The following WSCD2 variants were observed in gnomAD, a reference collection of about 807,000 sequenced individuals.
WSCD2 encodes the protein sialate:O-sulfotransferase 2.
In WSCD2, 28 loss-of-function variants were observed where a neutral mutation model predicts 55.7. The ratio of observed to expected loss-of-function variants is 0.50; its 90% CI spans 0.37 to 0.69. WSCD2 has a LOEUF of 0.69. WSCD2 is among the 30% of genes least tolerant of loss of function. The pLI, the probability that WSCD2 is intolerant of heterozygous loss-of-function variation, is 0.00. For missense variants in WSCD2, 616 were observed against 762.1 expected, an observed-to-expected ratio of 0.81 and a Z score of 2.26; for synonymous variants, 301 against 301.9, an observed-to-expected ratio of 1.00 and a Z score of 0.03.
At position 108,210,129 on chromosome 12, in the gene WSCD2, T is replaced by G; in HGVS notation, c.506T>G (p.Leu169Arg). ...ACAGCAGCCTCCCCCAGGGGTTACC[T>G]GTATGGCGGGCTGGAGTTCGGCGCC... ...CQDNCAERGY[L>R]YGGLEFGAEC... The change falls in exon 4 of 9, where the codon CTG (leucine) becomes CGG (arginine). Residue 169 changes from leucine (L) to arginine (R), a missense_variant. Around this residue, in one of 3 missense-constraint regions of WSCD2, gnomAD observed 374 missense variants for 467.4 expected, o/e 0.80. Transcript: ENST00000547525. The surrounding 1 kb of genome is among the most constrained non-coding windows in gnomAD (Gnocchi z 4.3). The G allele has an allele frequency of 6.2e-7, 1 of 1,614,078 alleles. No homozygotes were observed. Among genetic ancestry groups the G allele is most frequent in the South Asian group, 1.1e-5 (1 of 91,070 alleles).
chr12:108,134,188 G>T (rs990988790), intron 1 of WSCD2, among the ~76,000 whole-genome samples: 1 of 152,150 alleles, frequency 6.6e-6, no homozygotes, highest in East Asian at 1.9e-4. Flanking sequence ...TTCAAGGTCC[G>T]CCAGTGCCTG....
chr12:108,195,654 C>T lies in WSCD2; in HGVS notation c.-179C>T. 1.2e-6 allele frequency: 1 copy of T among 851,180 alleles called. No homozygotes were observed. Among genetic ancestry groups the T allele is most frequent in the South Asian group, 1.9e-5 (1 of 51,596 alleles). 52.7% of individuals were successfully genotyped at this position (851,180 alleles called of 1,614,324 possible). A position where few individuals can be genotyped will look rare whatever the true frequency, so the allele number is the denominator to read the frequency against. On this transcript the variant is annotated 5_prime_UTR_variant, in exon 2 of 9. Coordinates refer to ENST00000547525, the MANE Select transcript of WSCD2 (RefSeq NM_014653.4). ...TAAGCTCCATCCTTTCTCATGGCCT[C>T]AGCCAAGCATTGAACTTGCCCTCCC...
intron 2 of WSCD2, among the ~76,000 whole-genome samples, chr12:108,199,793 C>T (rs561936407): frequency 1.5e-3 from 221 of 152,268 alleles, no homozygotes; most frequent in African/African-American, 5.2e-3. Context: ...AGATTACCCA[C>T]CTGGGGGAGG....
intron 1 of WSCD2, among the ~76,000 whole-genome samples, chr12:108,194,479 G>C (rs973593743): frequency 5.3e-5 from 8 of 152,332 alleles, no homozygotes; most frequent in Non-Finnish European, 1.0e-4. Flanking sequence ...CCTGGGTCCA[G>C]ATCCCAGCTC....
At chr12:108,134,238 T>A (rs2136856028) in intron 1 of WSCD2, among the ~76,000 whole-genome samples, 1 of 152,194 alleles carries the variant, frequency 6.6e-6, no homozygotes, top group South Asian at 2.1e-4. Context: ...ATTTCCTCCC[T>A]CCTCCCTGTA....
intron 4 of WSCD2, among the ~76,000 whole-genome samples, chr12:108,214,955 T>C (rs2137121696): frequency 6.6e-6 from 1 of 152,382 alleles, no homozygotes; most frequent in African/African-American, 2.4e-5. Flanking sequence ...TCACTGATAC[T>C]CCATTCCAAC....
At chr12:108,221,177 GCTGA>G (rs1258355326) in intron 4 of WSCD2, among the ~76,000 whole-genome samples, 3 of 152,114 alleles carry the variant, frequency 2.0e-5, no homozygotes, top group Non-Finnish European at 4.4e-5. Context: ...TTAGCATCCG[GCTGA>G]CTGAGTTTTC....
At position 108,195,349 on chromosome 12, in the gene WSCD2, A is replaced by C. The variant is rs1296825130; in HGVS notation, c.-484A>C. On this transcript the variant is annotated 5_prime_UTR_variant, in exon 2 of 9. Coordinates refer to ENST00000547525, the MANE Select transcript of WSCD2 (RefSeq NM_014653.4). ...CCAGCTTCTGTTCCCATGAGGTAGA[A>C]AGGCCAAGCTTGGTCTTCAGCTGGG... is the stretch of plus-strand genomic sequence containing the variant. 1 of 154,160 alleles carries C rather than the reference A, an allele frequency of 6.5e-6. No homozygotes were observed. The highest frequency in any genetic ancestry group is 1.4e-5 in the Non-Finnish European group (1 of 69,582). The allele number at this position is 154,160 out of a possible 1,614,324, so 9.5% of individuals were successfully genotyped here.
intron 3 of WSCD2, among the ~76,000 whole-genome samples, chr12:108,208,388 G>A (rs1450355993): frequency 6.6e-6 from 1 of 152,214 alleles, no homozygotes; most frequent in Non-Finnish European, 1.5e-5. Flanking sequence ...AGGGTACAGA[G>A]ACATCAAGTA....
At chr12:108,203,303 C>T (rs1884943861) in intron 2 of WSCD2, among the ~76,000 whole-genome samples, 2 of 152,194 alleles carry the variant, frequency 1.3e-5, no homozygotes, top group Non-Finnish European at 2.9e-5. Flanking sequence ...CTTCCTGTCA[C>T]TCTCATCTCT....
At chr12:108,207,631 C>T (rs1236940958) in intron 3 of WSCD2, among the ~76,000 whole-genome samples, 1 of 149,722 alleles carries the variant, frequency 6.7e-6, no homozygotes, top group Non-Finnish European at 1.5e-5. Context: ...TCGTGATCTG[C>T]CCACCTCGGC....
At chr12:108,153,100 C>CACAAACAA (rs1565920079) in intron 1 of WSCD2, among the ~76,000 whole-genome samples, 3 of 61,458 alleles carry the variant, frequency 4.9e-5, no homozygotes, top group Non-Finnish European at 8.6e-5. Context: ...GAGACTCTGT[C>CACAAACAA]TCAAACAAAC....
intron 1 of WSCD2, among the ~76,000 whole-genome samples, chr12:108,142,063 A>G (rs1876878474): frequency 6.6e-6 from 1 of 152,214 alleles, no homozygotes; most frequent in Non-Finnish European, 1.5e-5. Context: ...AATCTGCTTT[A>G]AGTTGCTAAA....
intron 1 of WSCD2, among the ~76,000 whole-genome samples, chr12:108,137,362 G>A (rs928620607): frequency 3.9e-5 from 6 of 152,214 alleles, no homozygotes; most frequent in Non-Finnish European, 8.8e-5. Flanking sequence ...AAAAGAGCCA[G>A]CATTCCCTCA....
chr12:108,223,159 G>A lies in WSCD2; in HGVS notation c.683-1580G>A, dbSNP rs188521722. ...TTTCCTCTACTTAAGGTCAACTAAC[G>A]GTAGATGTCAATCACATACATAAAA... is the stretch of plus-strand genomic sequence containing the variant. On this transcript the variant is annotated intron_variant, in intron 4 of 8. Transcript: ENST00000547525. Among the ~76,000 whole-genome samples the A allele has an allele frequency of 4.5e-4, 68 of 152,274 alleles. 1 individual carries two copies. Among genetic ancestry groups the A allele is most frequent in the African/African-American group, 9.4e-4 (39 of 41,560 alleles).
chr12:108,187,951 G>C (rs1882712909), intron 1 of WSCD2, among the ~76,000 whole-genome samples: 1 of 152,168 alleles, frequency 6.6e-6, no homozygotes, highest in Admixed American at 6.5e-5. Context: ...GAAGATGGCT[G>C]TAAAGATTGC....
At chr12:108,169,046 T>C (rs771068005) in intron 1 of WSCD2, among the ~76,000 whole-genome samples, 1 of 152,126 alleles carries the variant, frequency 6.6e-6, no homozygotes, top group South Asian at 2.1e-4. Flanking sequence ...TGGCATTAGA[T>C]TCTCATAGGA....
chr12:108,183,095 A>G (rs1882016293), intron 1 of WSCD2, among the ~76,000 whole-genome samples: 1 of 152,224 alleles, frequency 6.6e-6, no homozygotes, highest in Non-Finnish European at 1.5e-5. Flanking sequence ...TGCACAGAAC[A>G]GCTCTCCTCA....
rs777838353 is a variant in WSCD2, at chr12:108,249,736, A to C, written c.*1393A>C. Reference sequence around the variant, plus strand: ...GACCATGGAGAAGGTGCGTGTAAAGAGATATATTTTTGTAAGAGGAATATG... The same window carrying C: ...GACCATGGAGAAGGTGCGTGTAAAGCGATATATTTTTGTAAGAGGAATATG... On this transcript the variant is annotated 3_prime_UTR_variant, in exon 9 of 9. Coordinates refer to ENST00000547525, the MANE Select transcript of WSCD2 (RefSeq NM_014653.4). 4 of 152,648 alleles carry C rather than the reference A, an allele frequency of 2.6e-5. No individual in the cohort carries two copies. Among genetic ancestry groups the C allele is most frequent in the African/African-American group, 2.4e-5 (1 of 41,454 alleles). The allele number at this position is 152,648 out of a possible 1,614,324, so 9.5% of individuals were successfully genotyped here.
Sources: allele counts gnomAD v4.1 joint callset (sites outside exome capture counted in the v4.1 genomes callset), GRCh38; gene constraint gnomAD v4.1.1; regional missense constraint gnomAD v4.1.1; non-coding constraint Gnocchi (gnomAD v3.1); transcripts MANE v1.5; gene names NCBI Gene and HGNC (gene_info 2026-07-23, HGNC 2026-07-21).